MDGA1: variants seen among roughly 807,000 people sequenced by gnomAD.
MDGA1 encodes MAM domain-containing glycosylphosphatidylinositol anchor protein 1.
In MDGA1, 54 loss-of-function variants were observed where a neutral mutation model predicts 101.5. That is an observed-to-expected ratio of 0.53 (90% CI 0.43 to 0.67). The LOEUF (loss-of-function observed/expected upper bound fraction) is 0.67, where lower values mean the gene tolerates loss of function less well. Among genes scored for constraint, MDGA1 ranks in the 30% least tolerant of loss-of-function variants. The pLI is 0.00. For synonymous variants in MDGA1, 533 were observed against 558.3 expected (o/e 0.95, Z 0.64); for missense variants, 1,083 against 1,323.8 (o/e 0.82, Z 2.82).
intron 3 of MDGA1, among the ~76,000 whole-genome samples, chr6:37,657,440 A>G (rs772399562): frequency 1.3e-5 from 2 of 152,194 alleles, no homozygotes; most frequent in African/African-American, 4.8e-5. Context: ...GGTCCAGGCT[A>G]TGCCTGCCAG....
At position 37,638,418 on chromosome 6, in the gene MDGA1, CCCTAA is replaced by C; in HGVS notation, c.2668-110_2668-106del. 6.5e-7 allele frequency: 1 copy of C among 1,541,230 alleles called. No individual in the cohort carries two copies. The highest frequency in any genetic ancestry group is 8.8e-7 in the Non-Finnish European group (1 of 1,131,934). On this transcript the variant is annotated intron_variant, in intron 15 of 16. Transcript: ENST00000434837. This position sits in a 1 kb window ranked among gnomAD's most constrained non-coding sequence, Gnocchi z 4.8. ...TCCCCTTAATCTACCTGGAAGTTCCCCCTAACCTGACTCTTTCCATCCTTAGCCCC... is the reference window on the plus strand; with the variant it reads ...TCCCCTTAATCTACCTGGAAGTTCCCCCTGACTCTTTCCATCCTTAGCCCC...
chr6:37,668,636 G>A (rs1761806022), intron 1 of MDGA1, among the ~76,000 whole-genome samples: 2 of 152,210 alleles, frequency 1.3e-5, no homozygotes, highest in African/African-American at 4.8e-5. Flanking sequence ...CGCAATTTGA[G>A]TGAAAGAACC....
chr6:37,693,936 G>T (rs1762364663), intron 1 of MDGA1, among the ~76,000 whole-genome samples: 1 of 152,148 alleles, frequency 6.6e-6, no homozygotes, highest in Non-Finnish European at 1.5e-5. Context: ...GGATCCTAGG[G>T]CAGGTGGTGG....
chr6:37,658,861 C>T (rs1277768578), intron 2 of MDGA1, among the ~76,000 whole-genome samples: 2 of 150,670 alleles, frequency 1.3e-5, no homozygotes, highest in African/African-American at 4.9e-5. Context: ...GTCCCAGCTA[C>T]TCAGGAAGCT....
intron 10 of MDGA1, among the ~76,000 whole-genome samples, chr6:37,646,699 C>G (rs533096687): frequency 6.6e-6 from 1 of 152,212 alleles, no homozygotes; most frequent in East Asian, 1.9e-4. Context: ...AGGCAGTCTG[C>G]CCCTGAGCCA....
chr6:37,685,871 C>CTAGGCTGGCAGAGTGGGGCGAGGTGAGGA (rs1561863582), intron 1 of MDGA1, among the ~76,000 whole-genome samples: 5 of 152,110 alleles, frequency 3.3e-5, no homozygotes, highest in Non-Finnish European at 7.3e-5. Context: ...CCCACCTGAG[C>CTAGGCTGGCAGAGTGGGGCGAGGTGAGGA]TAGGCTGGCA....
At chr6:37,648,473 T>G (rs1462437555) in intron 9 of MDGA1, 1 of 158,878 alleles carries the variant, frequency 6.3e-6, no homozygotes. Context: ...AAGCTGGGAT[T>G]GGACCGAGCT....
chr6:37,666,359 CAAAAAAA>C (rs34277023), intron 1 of MDGA1, among the ~76,000 whole-genome samples: 1 of 99,872 alleles, frequency 1.0e-5, no homozygotes, highest in Non-Finnish European at 2.2e-5. Flanking sequence ...CACTCCGTCT[CAAAAAAA>C]AAAAAAAAGA....
intron 1 of MDGA1, among the ~76,000 whole-genome samples, chr6:37,680,200 C>T (rs1394422790): frequency 6.6e-6 from 1 of 152,234 alleles, no homozygotes; most frequent in African/African-American, 2.4e-5. Context: ...TGCGGGATCA[C>T]TTGCCTGACC....
chr6:37,696,906 C>T lies in MDGA1; in HGVS notation c.-95G>A. 2.0e-6 allele frequency: 2 copies of T among 1,011,402 alleles called. No homozygotes were observed. The highest frequency in any genetic ancestry group is 2.0e-5 in the Admixed American group (1 of 49,450). The allele number at this position is 1,011,402 out of a possible 1,614,324, so 62.7% of individuals were successfully genotyped here. ...GGCCCCGCGACGCCCCTATGTCCCC[C>T]CCTTTCCCTGAGAGGTGAGAGAGAG... On this transcript the variant is annotated 5_prime_UTR_variant, in exon 1 of 17. Coordinates refer to ENST00000434837, the MANE Select transcript of MDGA1 (RefSeq NM_153487.4). The surrounding 1 kb of genome is among the most constrained non-coding windows in gnomAD (Gnocchi z 5.6).
Position 37,649,074 on chromosome 6 carries a change from C to T in MDGA1, c.1802G>A (p.Arg601His), listed in dbSNP as rs977186067. The T allele has an allele frequency of 1.3e-6, 2 of 1,536,624 alleles. No homozygotes were observed. The highest frequency in any genetic ancestry group is 2.0e-5 in the Admixed American group (1 of 49,952). ...GCTGTCGCGAGTTACGGCGTCGAGGCGCAGCTCCGCGTGATCCGGCGCCTC... is the reference window on the plus strand; with the variant it reads ...GCTGTCGCGAGTTACGGCGTCGAGGTGCAGCTCCGCGTGATCCGGCGCCTC... ...AAEAPDHAELRLDAVTRDSSG... is the reference protein window; with the variant it reads ...AAEAPDHAELHLDAVTRDSSG... The change falls in exon 9 of 17, where the codon CGC (arginine) becomes CAC (histidine). Residue 601 changes from arginine (R) to histidine (H), a missense_variant. Transcript: ENST00000434837.
intron 1 of MDGA1, among the ~76,000 whole-genome samples, chr6:37,664,490 C>A (rs1427616398): frequency 3.9e-5 from 6 of 152,084 alleles, no homozygotes; most frequent in African/African-American, 1.4e-4. Context: ...CATCCATCCC[C>A]AGCTGCTGAC....
At chr6:37,688,961 C>T (rs139849411) in intron 1 of MDGA1, among the ~76,000 whole-genome samples, 85 of 152,286 alleles carry the variant, frequency 5.6e-4, no homozygotes, top group Middle Eastern at 3.4e-3. Context: ...ACCAGATTCA[C>T]GCAGAATCTC....
chr6:37,670,620 G>C (rs1460044446), intron 1 of MDGA1, among the ~76,000 whole-genome samples: 1 of 152,158 alleles, frequency 6.6e-6, no homozygotes, highest in Non-Finnish European at 1.5e-5. Flanking sequence ...ATGTCAGCCA[G>C]CATTATTATT....
At chr6:37,665,702 T>G (rs1032603834) in intron 1 of MDGA1, among the ~76,000 whole-genome samples, 2 of 152,240 alleles carry the variant, frequency 1.3e-5, no homozygotes, top group Non-Finnish European at 2.9e-5. Flanking sequence ...AACCATGGAC[T>G]GGTTCTGGCC....
At chr6:37,681,504 C>T (rs1200294302) in intron 1 of MDGA1, among the ~76,000 whole-genome samples, 1 of 152,166 alleles carries the variant, frequency 6.6e-6, no homozygotes, top group Non-Finnish European at 1.5e-5. Flanking sequence ...CAGAGAAGCC[C>T]CTAAAGAGGT....
Position 37,634,014 on chromosome 6 carries a change from GA to G in MDGA1, c.*3353del, listed in dbSNP as rs1036705284. ...GCACAGGGAAAAGGAGAATGAATGAGAAAGAGGTGTCAGGCCCATCTCTGAG... is the reference window on the plus strand; with the variant it reads ...GCACAGGGAAAAGGAGAATGAATGAGAAGAGGTGTCAGGCCCATCTCTGAG... On this transcript the variant is annotated 3_prime_UTR_variant, in exon 17 of 17. Coordinates refer to ENST00000434837, the MANE Select transcript of MDGA1 (RefSeq NM_153487.4). This position sits in a 1 kb window ranked among gnomAD's most constrained non-coding sequence, Gnocchi z 4.7. 1.3e-5 allele frequency: 2 copies of G among 152,672 alleles called. No individual in the cohort carries two copies. The highest frequency in any genetic ancestry group is 4.8e-5 in the African/African-American group (2 of 41,464). The allele number at this position is 152,672 out of a possible 1,614,324, so 9.5% of individuals were successfully genotyped here.
At chr6:37,689,766 T>C (rs17374592) in intron 1 of MDGA1, among the ~76,000 whole-genome samples, 16,826 of 152,152 alleles carry the variant, frequency 0.11, 1,122 homozygotes, top group South Asian at 0.19. Flanking sequence ...TCAGAGCCGT[T>C]TGCAGCTCCT....
At chr6:37,693,540 T>C (rs1364154618) in intron 1 of MDGA1, among the ~76,000 whole-genome samples, 3 of 152,246 alleles carry the variant, frequency 2.0e-5, no homozygotes, top group Non-Finnish European at 4.4e-5. Context: ...TTCAGGGGTT[T>C]GTTGTGTTTT....
Sources: allele counts gnomAD v4.1 joint callset (sites outside exome capture counted in the v4.1 genomes callset), GRCh38; gene constraint gnomAD v4.1.1; non-coding constraint Gnocchi (gnomAD v3.1); transcripts MANE v1.5; gene names NCBI Gene and HGNC (gene_info 2026-07-23, HGNC 2026-07-21).